The following CDH18 variants were observed in gnomAD, a reference collection of about 807,000 sequenced individuals.
CDH18 encodes the protein cadherin 18, also known as cadherin-18.
CDH18 carries 31 observed loss-of-function variants against 67.9 expected under a neutral mutation model. That is an observed-to-expected ratio of 0.46 (90% CI 0.34 to 0.62). The LOEUF (loss-of-function observed/expected upper bound fraction) is 0.62. Ranked by LOEUF, CDH18 falls within the 20% of genes least tolerant of loss-of-function variation. The pLI, the probability that CDH18 is intolerant of heterozygous loss-of-function variation, is 0.01. For synonymous variants in CDH18, 362 were observed against 347.2 expected (o/e 1.04, Z -0.48); for missense variants, 890 against 975.5 (o/e 0.91, Z 1.17).
At chr5:20,480,578 T>A (rs1216868637) in intron 1 of CDH18, among the ~76,000 whole-genome samples, 2 of 151,984 alleles carry the variant, frequency 1.3e-5, no homozygotes, top group African/African-American at 4.8e-5. Context: ...CCACCACACT[T>A]GGCTAAGTTT....
At chr5:19,958,129 C>T (rs1796436342) in intron 2 of CDH18, among the ~76,000 whole-genome samples, 1 of 151,514 alleles carries the variant, frequency 6.6e-6, no homozygotes, top group East Asian at 1.9e-4. Flanking sequence ...TTGTTTTTCC[C>T]CTTCAGCAGA....
chr5:19,648,363 C>T (rs756454817), intron 5 of CDH18, among the ~76,000 whole-genome samples: 28 of 151,868 alleles, frequency 1.8e-4, no homozygotes, highest in Non-Finnish European at 3.8e-4. Context: ...TACAGTGAGC[C>T]GAGATCATGC....
intron 6 of CDH18, among the ~76,000 whole-genome samples, chr5:19,602,483 C>T (rs1264952225): frequency 6.7e-6 from 1 of 149,998 alleles, no homozygotes; most frequent in Non-Finnish European, 1.5e-5. Context: ...ACACACAATC[C>T]AATCTTTTAA....
chr5:20,490,558 A>C (rs1753528619), intron 1 of CDH18, among the ~76,000 whole-genome samples: 1 of 152,078 alleles, frequency 6.6e-6, no homozygotes, highest in South Asian at 2.1e-4. Context: ...AATACCTTAC[A>C]CTCTGACTAG....
chr5:20,137,167 T>C (rs1292835108), intron 2 of CDH18, among the ~76,000 whole-genome samples: 2 of 152,206 alleles, frequency 1.3e-5, no homozygotes, highest in Non-Finnish European at 2.9e-5. Context: ...GGTAATATCC[T>C]GAAGAGTGTT....
chr5:19,500,933 C>A (rs905681080), intron 11 of CDH18, among the ~76,000 whole-genome samples: 4 of 150,806 alleles, frequency 2.7e-5, no homozygotes, highest in Admixed American at 1.3e-4. Flanking sequence ...GAGTTTGAGA[C>A]CAACCTGGCC....
intron 1 of CDH18, among the ~76,000 whole-genome samples, chr5:20,401,251 T>G (rs747030485): frequency 6.6e-6 from 1 of 152,192 alleles, no homozygotes; most frequent in East Asian, 1.9e-4. Flanking sequence ...TATGCTTAAG[T>G]AGTCGAAATA....
intron 11 of CDH18, among the ~76,000 whole-genome samples, chr5:19,492,029 A>C (rs1741557963): frequency 6.6e-6 from 1 of 152,176 alleles, no homozygotes; most frequent in South Asian, 2.1e-4. Flanking sequence ...ACATAATAAA[A>C]ACCGATGTGA....
At chr5:20,293,844 C>T (rs1305562441) in intron 1 of CDH18, among the ~76,000 whole-genome samples, 1 of 152,064 alleles carries the variant, frequency 6.6e-6, no homozygotes, top group Non-Finnish European at 1.5e-5. Context: ...CCACAGGAAA[C>T]ATTAAAACCT....
At chr5:20,072,864 G>T (rs1743604689) in intron 2 of CDH18, among the ~76,000 whole-genome samples, 1 of 151,834 alleles carries the variant, frequency 6.6e-6, no homozygotes, top group African/African-American at 2.4e-5. Flanking sequence ...ATTGGAGAAA[G>T]GATTGAATGT....
chr5:20,208,920 T>C (rs940198484), intron 2 of CDH18, among the ~76,000 whole-genome samples: 1 of 151,906 alleles, frequency 6.6e-6, no homozygotes, highest in African/African-American at 2.4e-5. Flanking sequence ...ACAAAGAATC[T>C]GATTAAAATT....
intron 4 of CDH18, among the ~76,000 whole-genome samples, chr5:19,746,187 C>T (rs74871453): frequency 3.3e-3 from 497 of 152,188 alleles, no homozygotes; most frequent in South Asian, 5.4e-3. Flanking sequence ...ATTCAAATAG[C>T]TACACCACAG....
At chr5:19,949,493 TG>T (rs1200152443) in intron 2 of CDH18, among the ~76,000 whole-genome samples, 1 of 152,144 alleles carries the variant, frequency 6.6e-6, no homozygotes, top group African/African-American at 2.4e-5. Flanking sequence ...AGTTTTGGAC[TG>T]GAACAATATG....
At chr5:19,722,090 G>C (rs1766174998) in intron 4 of CDH18, among the ~76,000 whole-genome samples, 3 of 152,016 alleles carry the variant, frequency 2.0e-5, no homozygotes, top group Admixed American at 6.6e-5. Flanking sequence ...GTCTTGCTCT[G>C]TCATTCAGCC....
At chr5:19,592,457 A>T (rs557176304) in intron 6 of CDH18, among the ~76,000 whole-genome samples, 4 of 152,240 alleles carry the variant, frequency 2.6e-5, no homozygotes, top group Admixed American at 2.0e-4. Flanking sequence ...GAAGCCCAGG[A>T]ATCTTGAATT....
chr5:20,276,511 C>A (rs1039142842), intron 1 of CDH18, among the ~76,000 whole-genome samples: 1 of 152,144 alleles, frequency 6.6e-6, no homozygotes, highest in Non-Finnish European at 1.5e-5. Flanking sequence ...ATAAAGAACC[C>A]TTGAGCCCTG....
chr5:19,925,829 T>C (rs897197069), intron 2 of CDH18, among the ~76,000 whole-genome samples: 8 of 152,158 alleles, frequency 5.3e-5, no homozygotes, highest in African/African-American at 1.9e-4. Flanking sequence ...ATTACTACAG[T>C]AGTATGGTAT....
chr5:19,556,485 A>G (rs912897778), intron 8 of CDH18, among the ~76,000 whole-genome samples: 2 of 152,326 alleles, frequency 1.3e-5, no homozygotes, highest in South Asian at 2.1e-4. Flanking sequence ...AATGCACTGG[A>G]AAGTCTCAGC....
At chr5:20,469,139 T>C (rs997784291) in intron 1 of CDH18, among the ~76,000 whole-genome samples, 1 of 152,094 alleles carries the variant, frequency 6.6e-6, no homozygotes, top group Admixed American at 6.5e-5. Flanking sequence ...AGGAAAGGCA[T>C]TAAATAGAAT....
Sources: allele counts gnomAD v4.1 joint callset (sites outside exome capture counted in the v4.1 genomes callset), GRCh38; gene constraint gnomAD v4.1.1; transcripts MANE v1.5; gene names NCBI Gene and HGNC (gene_info 2026-07-23, HGNC 2026-07-21).